Variants in GRIP1 observed in about 807,000 individuals in gnomAD.
GRIP1 encodes glutamate receptor-interacting protein 1.
A neutral mutation model predicts 129.9 loss-of-function variants in GRIP1; 45 were observed. The observed-to-expected ratio is 0.35, with a 90% CI of 0.27 to 0.44. GRIP1 has a LOEUF of 0.44. Among genes scored for constraint, GRIP1 ranks in the 20% least tolerant of loss-of-function variants. The pLI, the probability that GRIP1 is intolerant of heterozygous loss-of-function variation, is 1.00. For synonymous variants in GRIP1, 530 were observed against 520.8 expected (o/e 1.02, Z -0.24); for missense variants, 1,196 against 1,396.8 (o/e 0.86, Z 2.29).
chr12:67,040,070 C>T (rs965435685), intron 1 of GRIP1, among the ~76,000 whole-genome samples: 19 of 152,122 alleles, frequency 1.2e-4, no homozygotes, highest in Non-Finnish European at 2.1e-4. Context: ...AACTGACAGC[C>T]TCTACGCTGC....
chr12:66,746,608 C>T lies in GRIP1; in HGVS notation c.-420+57445G>A, dbSNP rs142567365. On this transcript the variant is annotated intron_variant, in intron 1 of 4. Transcript: ENST00000538373. ...TGGTACCCTCCTGTTGCTCTCTACT[C>T]GTGCTGGTCTACCAGATGCCCCCTG... Among the ~76,000 whole-genome samples, 64 of 152,292 alleles carry T rather than the reference C, an allele frequency of 4.2e-4. No individual in the cohort carries two copies. In the East Asian group the frequency reaches 0.01, roughly 25 times the overall value.
rs567255239 is a variant in GRIP1, at chr12:66,579,789, C to T, written c.136+17058G>A. ...ACCAAATCTACATCTGATTGGTGTC[C>T]GTGAAAGTGACGGGGAGAATGGAAC... On this transcript the variant is annotated intron_variant, in intron 2 of 24. Coordinates refer to ENST00000359742, the MANE Select transcript of GRIP1 (RefSeq NM_001366722.1). 1.5e-3 allele frequency among the ~76,000 whole-genome samples: 235 copies of T among 151,638 alleles called. 1 individual carries two copies. Among genetic ancestry groups the T allele is most frequent in the African/African-American group, 5.3e-3 (220 of 41,328 alleles).
chr12:66,810,455 G>A (rs1329352217), intron 1 of GRIP1, among the ~76,000 whole-genome samples: 1 of 152,178 alleles, frequency 6.6e-6, no homozygotes, highest in Admixed American at 6.5e-5. Context: ...CTACTCGGGA[G>A]GCTTAGGCAG....
chr12:66,636,006 A>C (rs1276042744), intron 1 of GRIP1, among the ~76,000 whole-genome samples: 2 of 152,214 alleles, frequency 1.3e-5, no homozygotes, highest in African/African-American at 4.8e-5. Flanking sequence ...AAGCAACCCT[A>C]CTGTCGACAG....
chr12:66,376,944 A>G, intron 22 of GRIP1, 73 bp downstream of exon 22: 2 of 1,009,402 alleles, frequency 2.0e-6, no homozygotes, highest in Non-Finnish European at 3.2e-6. Flanking sequence ...ATAAAATCAA[A>G]TTGCTGTCCA....
chr12:67,061,309 C>T (rs1029836207), intron 1 of GRIP1, among the ~76,000 whole-genome samples: 1 of 152,122 alleles, frequency 6.6e-6, no homozygotes. Context: ...GATATAGTAA[C>T]GTTACATTAA....
chr12:67,036,276 A>C (rs999548223), intron 1 of GRIP1, among the ~76,000 whole-genome samples: 1 of 152,068 alleles, frequency 6.6e-6, no homozygotes, highest in Non-Finnish European at 1.5e-5. Context: ...GTTCTTTCCT[A>C]CTTACCTTAA....
intron 1 of GRIP1, among the ~76,000 whole-genome samples, chr12:66,645,758 G>C (rs1224288950): frequency 1.3e-5 from 2 of 152,096 alleles, no homozygotes; most frequent in African/African-American, 4.8e-5. Flanking sequence ...CAAAGCATCA[G>C]CTTTCTATAG....
chr12:66,898,789 G>C (rs2040795456), intron 1 of GRIP1, among the ~76,000 whole-genome samples: 2 of 152,078 alleles, frequency 1.3e-5, no homozygotes, highest in Admixed American at 6.5e-5. Flanking sequence ...GTGTTTATTA[G>C]CAACAATTAC....
chr12:66,961,926 G>A (rs890004950), intron 1 of GRIP1, among the ~76,000 whole-genome samples: 11 of 152,132 alleles, frequency 7.2e-5, no homozygotes, highest in Non-Finnish European at 1.2e-4. Context: ...TCAAAAGGGT[G>A]GATTTCTATG....
intron 24 of GRIP1, 82 bp downstream of exon 24, chr12:66,353,335 C>T: frequency 1.0e-6 from 1 of 955,614 alleles, no homozygotes; most frequent in Non-Finnish European, 1.7e-6. Context: ...GAGCAAAGGG[C>T]CCCAAATATG....
intron 2 of GRIP1, among the ~76,000 whole-genome samples, chr12:66,567,116 C>G (rs1409445418): frequency 6.6e-6 from 1 of 152,116 alleles, no homozygotes; most frequent in African/African-American, 2.4e-5. Flanking sequence ...TTTTGTGTCT[C>G]TATCTCCTTC....
intron 1 of GRIP1, among the ~76,000 whole-genome samples, chr12:66,661,283 G>A (rs146949711): frequency 9.7e-4 from 148 of 152,048 alleles, no homozygotes; most frequent in Middle Eastern, 3.4e-3. Flanking sequence ...CAGTTCTTCC[G>A]TTGGAGATTT....
chr12:66,846,364 G>A (rs1455771339), intron 1 of GRIP1, among the ~76,000 whole-genome samples: 1 of 152,102 alleles, frequency 6.6e-6, no homozygotes. Flanking sequence ...GACCCTTTTA[G>A]ACAAGCTAGA....
At chr12:66,839,915 T>C (rs746704568) in intron 1 of GRIP1, among the ~76,000 whole-genome samples, 1 of 152,228 alleles carries the variant, frequency 6.6e-6, no homozygotes. Flanking sequence ...TGTCACCATT[T>C]ATATTTGATA....
chr12:66,560,564 G>A (rs2062489651), intron 2 of GRIP1, among the ~76,000 whole-genome samples: 1 of 152,018 alleles, frequency 6.6e-6, no homozygotes, highest in African/African-American at 2.4e-5. Context: ...TGGCAAACAG[G>A]TATATGAAAT....
At position 66,562,919 on chromosome 12, in the gene GRIP1, G is replaced by A. The variant is rs1241772481; in HGVS notation, c.137-20969C>T. On this transcript the variant is annotated intron_variant, in intron 2 of 24. Coordinates refer to ENST00000359742, the MANE Select transcript of GRIP1 (RefSeq NM_001366722.1). The stretch of plus-strand genomic sequence containing the variant: ...GAGAATGTTGTTAAGAAAATCATAA[G>A]GAAGAAAATATATTTACTATTTATT... Among the ~76,000 whole-genome samples, 6 of 151,926 alleles carry A rather than the reference G, an allele frequency of 3.9e-5. No individual in the cohort carries two copies. In the South Asian group the frequency reaches 1.0e-3, roughly 26 times the overall value.
intron 14 of GRIP1, among the ~76,000 whole-genome samples, chr12:66,422,031 G>A (rs2057819442): frequency 6.6e-6 from 1 of 152,112 alleles, no homozygotes. Flanking sequence ...CTGAAGGCTG[G>A]AGTGGTTTCC....
intron 1 of GRIP1, among the ~76,000 whole-genome samples, chr12:66,921,631 G>C (rs1231305678): frequency 1.3e-5 from 2 of 152,166 alleles, no homozygotes; most frequent in Non-Finnish European, 2.9e-5. Context: ...TTGTACACTG[G>C]GGGTAGAACA....
Sources: gnomAD v4.1 joint callset for allele counts (sites outside exome capture counted in the v4.1 genomes callset) on GRCh38, gnomAD v4.1.1 for gene constraint, MANE v1.5 for transcripts, NCBI Gene and HGNC (gene_info 2026-07-23, HGNC 2026-07-21) for gene names.